The following SGCD variants were observed in gnomAD, a reference collection of about 807,000 sequenced individuals.
SGCD encodes sarcoglycan delta.
A neutral mutation model predicts 36.6 loss-of-function variants in SGCD; 18 were observed. The observed-to-expected ratio is 0.49, with a 90% CI of 0.34 to 0.73. The LOEUF (loss-of-function observed/expected upper bound fraction) is 0.73. Among genes scored for constraint, SGCD ranks in the 30% least tolerant of loss-of-function variants. SGCD has a pLI of 0.01. For missense variants in SGCD, 387 were observed against 346.7 expected (o/e 1.12, Z -0.92); for synonymous variants, 133 against 130.6 (o/e 1.02, Z -0.12).
In SGCD at chr5:156,231,840, A is replaced by G. The variant is rs192283569; in HGVS notation, c.-43-97694A>G. 3.3e-4 allele frequency among the ~76,000 whole-genome samples: 50 copies of G among 152,280 alleles called. No individual in the cohort carries two copies. In the East Asian group the frequency reaches 8.3e-3, roughly 25 times the overall value. ...AGGAGAAAGGGAAGCTTGCTTTAGA[A>G]CATGATTCTTTTCTTCTCAGTTATA... On this transcript the variant is annotated intron_variant, in intron 3 of 9. Transcript: ENST00000517913.
At chr5:155,958,266 G>T (rs143913641) in intron 1 of SGCD, among the ~76,000 whole-genome samples, 11 of 152,160 alleles carry the variant, frequency 7.2e-5, no homozygotes, top group African/African-American at 2.6e-4. Context: ...GATGGTTTCT[G>T]TTCTGTGTGG....
At chr5:156,088,660 C>T (rs182244787) in intron 1 of SGCD, among the ~76,000 whole-genome samples, 277 of 152,032 alleles carry the variant, frequency 1.8e-3, no homozygotes, top group Non-Finnish European at 2.0e-3. Context: ...CTGCTATACT[C>T]GGCTAATTGT....
intron 3 of SGCD, among the ~76,000 whole-genome samples, chr5:156,451,985 C>T (rs1754040086): frequency 6.6e-6 from 1 of 152,098 alleles, no homozygotes; most frequent in South Asian, 2.1e-4. Context: ...TTGCTATTTA[C>T]AGGAGAGAAA....
chr5:156,352,302 A>G (rs1244297478), intron 3 of SGCD, among the ~76,000 whole-genome samples: 2 of 152,246 alleles, frequency 1.3e-5, no homozygotes, highest in African/African-American at 4.8e-5. Context: ...ACCTCATCAG[A>G]CATCCTTATT....
At chr5:156,325,058 C>T (rs1389101463), upstream of SGCD, among the ~76,000 whole-genome samples, 3 of 152,140 alleles carry the variant, frequency 2.0e-5, no homozygotes, top group African/African-American at 7.2e-5. Context: ...TCTGGAATGA[C>T]ACTTTGTTCA....
chr5:156,623,034 A>G (rs1581273397), intron 6 of SGCD, among the ~76,000 whole-genome samples: 3 of 151,968 alleles, frequency 2.0e-5, no homozygotes, highest in East Asian at 1.9e-4. Context: ...ATATACATAT[A>G]TATTTTTGTA....
At chr5:156,686,113 G>A (rs941153068) in intron 7 of SGCD, among the ~76,000 whole-genome samples, 2 of 152,160 alleles carry the variant, frequency 1.3e-5, no homozygotes, top group Non-Finnish European at 2.9e-5. Flanking sequence ...TGAACAATGT[G>A]TAAAACACTT....
At chr5:156,403,484 C>T (rs891713227) in intron 3 of SGCD, among the ~76,000 whole-genome samples, 5 of 152,116 alleles carry the variant, frequency 3.3e-5, no homozygotes, top group African/African-American at 1.2e-4. Context: ...TTTTCTGACT[C>T]GCCGAGATGA....
At chr5:156,144,349 C>T (rs1762659109) in intron 3 of SGCD, among the ~76,000 whole-genome samples, 1 of 152,094 alleles carries the variant, frequency 6.6e-6, no homozygotes, top group Non-Finnish European at 1.5e-5. Context: ...TTTACAGTCC[C>T]ACCAACAGTG....
At chr5:156,256,652 T>C (rs1191425224) in intron 3 of SGCD, among the ~76,000 whole-genome samples, 1 of 152,228 alleles carries the variant, frequency 6.6e-6, no homozygotes, top group Non-Finnish European at 1.5e-5. Context: ...TTGATTGACA[T>C]ACATTTTAAT....
At chr5:156,084,844 T>A (rs1416714032) in intron 1 of SGCD, among the ~76,000 whole-genome samples, 1 of 152,224 alleles carries the variant, frequency 6.6e-6, no homozygotes, top group East Asian at 1.9e-4. Flanking sequence ...GGATTCCTTT[T>A]ATCAGTTGAA....
chr5:156,177,680 A>G (rs1763506271), intron 3 of SGCD, among the ~76,000 whole-genome samples: 1 of 152,090 alleles, frequency 6.6e-6, no homozygotes, highest in South Asian at 2.1e-4. Flanking sequence ...AGATACAGAA[A>G]ATTTTCATCA....
chr5:156,719,051 G>A (rs914823069), intron 7 of SGCD, among the ~76,000 whole-genome samples: 15 of 152,092 alleles, frequency 9.9e-5, no homozygotes, highest in Admixed American at 6.6e-4. Context: ...TTATGTTTAT[G>A]TATACAAATA....
chr5:155,974,441 G>C (rs1561668703), intron 1 of SGCD, among the ~76,000 whole-genome samples: 1 of 152,020 alleles, frequency 6.6e-6, no homozygotes, highest in East Asian at 2.0e-4. Context: ...AGGGTATCAT[G>C]TATCATGAGC....
At chr5:156,112,640 A>C (rs1199454290) in intron 1 of SGCD, among the ~76,000 whole-genome samples, 1 of 152,194 alleles carries the variant, frequency 6.6e-6, no homozygotes. Context: ...CCATTAAACA[A>C]TCATATATAG....
intron 7 of SGCD, among the ~76,000 whole-genome samples, chr5:156,692,075 A>G (rs892541463): frequency 1.3e-5 from 2 of 152,248 alleles, no homozygotes; most frequent in Admixed American, 1.3e-4. Flanking sequence ...AAATCAAATT[A>G]GAAGTTCACA....
At chr5:155,922,751 C>G (rs2113377302) in intron 1 of SGCD, among the ~76,000 whole-genome samples, 1 of 152,206 alleles carries the variant, frequency 6.6e-6, no homozygotes, top group African/African-American at 2.4e-5. Flanking sequence ...TATTTTGGTG[C>G]AAAAGCTTGG....
intron 1 of SGCD, among the ~76,000 whole-genome samples, chr5:155,931,360 G>T (rs1757094191): frequency 6.6e-6 from 1 of 152,142 alleles, no homozygotes; most frequent in South Asian, 2.1e-4. Flanking sequence ...ACATCTTAAT[G>T]GATTATTTTT....
chr5:156,074,254 A>G (rs765717560), intron 1 of SGCD, among the ~76,000 whole-genome samples: 3 of 152,206 alleles, frequency 2.0e-5, no homozygotes, highest in African/African-American at 4.8e-5. Context: ...GGTATGGATG[A>G]AAGACTGAAT....
Sources: allele counts gnomAD v4.1 joint callset (sites outside exome capture counted in the v4.1 genomes callset), GRCh38; gene constraint gnomAD v4.1.1; transcripts MANE v1.5; gene names NCBI Gene and HGNC (gene_info 2026-07-23, HGNC 2026-07-21).